CSNK2A2: variants seen among roughly 807,000 people sequenced by gnomAD.
CSNK2A2 encodes the protein casein kinase 2 alpha 2.
In CSNK2A2, 8 loss-of-function variants were observed where a neutral mutation model predicts 54.0. That is an observed-to-expected ratio of 0.15 (90% confidence interval 0.09 to 0.27). The LOEUF is 0.27. CSNK2A2 is among the 10% of genes least tolerant of loss of function. The probability of loss-of-function intolerance (pLI) is 1.00; values close to 1 mark genes in which losing one functional copy is unlikely to be tolerated. For synonymous variants in CSNK2A2, 141 were observed against 153.9 expected (o/e 0.92, Z 0.62); for missense variants, 242 against 439.4 (o/e 0.55, Z 4.02).
At chr16:58,166,799 G>A (rs1961575405) in intron 8 of CSNK2A2, 115 bp from the exon 9 acceptor site, 3 of 724,010 alleles carry the variant, frequency 4.1e-6, no homozygotes, top group East Asian at 2.6e-5. Flanking sequence ...CTAGGAACGA[G>A]ATACAAACCC....
chr16:58,173,797 T>G (rs1489933247), intron 5 of CSNK2A2, among the ~76,000 whole-genome samples: 4 of 152,104 alleles, frequency 2.6e-5, no homozygotes, highest in Admixed American at 1.3e-4. Flanking sequence ...GTGGAGTCGG[T>G]TTTTCCATGC....
intron 5 of CSNK2A2, among the ~76,000 whole-genome samples, chr16:58,169,097 T>G (rs1202481730): frequency 7.1e-6 from 1 of 140,750 alleles, no homozygotes; most frequent in Non-Finnish European, 1.5e-5. Context: ...CAGCTAATTT[T>G]CTGTATTTTT....
chr16:58,191,931 A>G (rs1567473601), intron 2 of CSNK2A2, among the ~76,000 whole-genome samples: 1 of 152,234 alleles, frequency 6.6e-6, no homozygotes, highest in East Asian at 1.9e-4. Flanking sequence ...GAACTTAAGT[A>G]ACTGTTTGAC....
At position 58,169,786 on chromosome 16, in the gene CSNK2A2, C is replaced by A. The variant is rs544634608; in HGVS notation, c.430-1093G>T. ...TCATTATAAGGCCAGGCATGGTGCT[C>A]ATGCCTGTAATCCCAGAACTTTCGG... is the stretch of plus-strand genomic sequence containing the variant. On this transcript the variant is annotated intron_variant, in intron 5 of 11. Coordinates refer to ENST00000262506, the MANE Select transcript of CSNK2A2 (RefSeq NM_001896.4). Among the ~76,000 whole-genome samples, 6 of 152,236 alleles carry A rather than the reference C, an allele frequency of 3.9e-5. No individual in the cohort carries two copies. In the South Asian group the frequency reaches 1.2e-3, roughly 31 times the overall value.
intron 4 of CSNK2A2, among the ~76,000 whole-genome samples, chr16:58,177,891 C>A (rs1487680757): frequency 6.6e-6 from 1 of 152,098 alleles, no homozygotes; most frequent in South Asian, 2.1e-4. Flanking sequence ...CCGAGGTCAA[C>A]GTTTTTAGAA....
chr16:58,172,786 G>A (rs1488108140), intron 5 of CSNK2A2, among the ~76,000 whole-genome samples: 2 of 152,190 alleles, frequency 1.3e-5, no homozygotes, highest in African/African-American at 4.8e-5. Flanking sequence ...CGTTTTTCAA[G>A]TTTCATCTGG....
chr16:58,177,910 A>C (rs903410586), intron 4 of CSNK2A2, among the ~76,000 whole-genome samples: 1 of 152,226 alleles, frequency 6.6e-6, no homozygotes, highest in Non-Finnish European at 1.5e-5. Flanking sequence ...AAATTTAAGG[A>C]AGTAGAATAA....
At chr16:58,173,550 C>T (rs1961796105) in intron 5 of CSNK2A2, among the ~76,000 whole-genome samples, 1 of 152,214 alleles carries the variant, frequency 6.6e-6, no homozygotes, top group South Asian at 2.1e-4. Context: ...GATCATTCCT[C>T]CACCAACCAG....
intron 2 of CSNK2A2, among the ~76,000 whole-genome samples, chr16:58,194,097 T>C (rs978760021): frequency 6.6e-6 from 1 of 152,210 alleles, no homozygotes; most frequent in African/African-American, 2.4e-5. Flanking sequence ...ACTACAAAAG[T>C]AAGACCACTT....
In CSNK2A2 at chr16:58,196,892, A is replaced by C. The variant is rs117005480; in HGVS notation, c.105-48T>G. ...TAAATGCCAGGACTGGGGGTTAACC[A>C]AGCCTATGCCCACTGTACACGTCAT... On this transcript the variant is annotated intron_variant, in intron 1 of 11. Coordinates refer to ENST00000262506, the MANE Select transcript of CSNK2A2 (RefSeq NM_001896.4). 3,523 of 1,174,574 alleles carry C rather than the reference A, an allele frequency of 3.0e-3. 98 individuals are homozygous for C. In the East Asian group the frequency reaches 0.061, roughly 20 times the overall value. 72.8% of individuals were successfully genotyped at this position (1,174,574 alleles called of 1,614,324 possible). A position where few individuals can be genotyped will look rare whatever the true frequency, so the allele number is the denominator to read the frequency against.
intron 4 of CSNK2A2, among the ~76,000 whole-genome samples, chr16:58,180,078 CAAAA>C (rs71385152): frequency 1.1e-5 from 1 of 91,014 alleles, no homozygotes. Context: ...GACTCCTTCT[CAAAA>C]AAAAAAAAAA....
At position 58,181,169 on chromosome 16, in the gene CSNK2A2, G is replaced by A. The variant is rs147933706; in HGVS notation, c.369+3091C>T. Among the ~76,000 whole-genome samples, 217 of 152,270 alleles carry A rather than the reference G, an allele frequency of 1.4e-3. 1 individual carries two copies. Among genetic ancestry groups the A allele is most frequent in the African/African-American group, 5.1e-3 (210 of 41,548 alleles). ...GTAAAAGGAGCAGGGAGATTAAATC[G>A]TAAGAACTAAGAAGATAGGAGAAAC... is the stretch of plus-strand genomic sequence containing the variant. On this transcript the variant is annotated intron_variant, in intron 4 of 11. Transcript: ENST00000262506.
Position 58,197,464 on chromosome 16 carries a change from GGGGA to G in CSNK2A2, c.104+165_104+168del, listed in dbSNP as rs988480925. ...GAGAAAGGGACGAAACGGGGGTAAA[GGGGA>G]GGGAAGAGGAAGACGAGGACATGTG... is the stretch of plus-strand genomic sequence containing the variant. On this transcript the variant is annotated intron_variant, in intron 1 of 11. Transcript: ENST00000262506. The surrounding 1 kb of genome is among the most constrained non-coding windows in gnomAD (Gnocchi z 4.0). Among the ~76,000 whole-genome samples, 3 of 152,180 alleles carry G rather than the reference GGGGA, an allele frequency of 2.0e-5. No individual in the cohort carries two copies. The highest frequency in any genetic ancestry group is 4.4e-5 in the Non-Finnish European group (3 of 68,022).
intron 11 of CSNK2A2, chr16:58,160,110 C>G (rs1195955022): frequency 6.6e-6 from 1 of 152,154 alleles, no homozygotes; most frequent in African/African-American, 2.4e-5. Flanking sequence ...AACGGTTGAT[C>G]TGGCCCGATG....
At chr16:58,196,592 C>T (rs750303684) in intron 2 of CSNK2A2, 141 bp downstream of exon 2, 99 of 655,430 alleles carry the variant, frequency 1.5e-4, no homozygotes, top group Non-Finnish European at 2.5e-4. Flanking sequence ...GCCTGGGTGA[C>T]AGAGTGAGAC....
chr16:58,186,772 T>C lies in CSNK2A2; in HGVS notation c.301A>G (p.Thr101Ala). The C allele has an allele frequency of 6.2e-7, 1 of 1,613,982 alleles. No individual in the cohort carries two copies. Residue 101 changes from threonine (T) to alanine (A), a missense_variant, in exon 3 of 12, where the codon ACT (threonine) becomes GCT (alanine). This residue lies in a region of CSNK2A2 where 69 missense variants were observed against 97.0 expected (regional missense o/e 0.71). Transcript: ENST00000262506. ...GCACCTACCACGGGGTCCTTTACAG[T>C]GTCAATCAGCTTAATGATATTTGTT... ...GGTNIIKLID[T>A]VKDPVSKTPA...
chr16:58,158,360 A>G lies in CSNK2A2; in HGVS notation c.*18-7T>C, dbSNP rs1319160693. 6.5e-6 allele frequency: 1 copy of G among 152,752 alleles called. No individual in the cohort carries two copies. The highest frequency in any genetic ancestry group is 2.4e-5 in the African/African-American group (1 of 41,432). 9.5% of individuals were successfully genotyped at this position (152,752 alleles called of 1,614,324 possible). ...TGGGAGAACCGCAACAGACCTGGGG[A>G]AAGAGACGGGAGGAGGGAAAGACGT... is the stretch of plus-strand genomic sequence containing the variant. On this transcript the variant is annotated splice_polypyrimidine_tract_variant and splice_region_variant and intron_variant, in intron 11 of 11. Coordinates refer to ENST00000262506, the MANE Select transcript of CSNK2A2 (RefSeq NM_001896.4).
chr16:58,183,482 T>C (rs957927066), intron 4 of CSNK2A2, among the ~76,000 whole-genome samples: 3 of 152,098 alleles, frequency 2.0e-5, no homozygotes, highest in Non-Finnish European at 2.9e-5. Context: ...TGTCTCTAGC[T>C]CCTGTCACAA....
At chr16:58,164,265 G>A (rs1567462664) in intron 10 of CSNK2A2, 118 bp from the exon 11 acceptor site, 9 of 772,288 alleles carry the variant, frequency 1.2e-5, no homozygotes, top group Non-Finnish European at 1.7e-5. Context: ...CCAGGGTCAG[G>A]GGGGCAACAG....
Sources: allele counts gnomAD v4.1 joint callset (sites outside exome capture counted in the v4.1 genomes callset), GRCh38; gene constraint gnomAD v4.1.1; regional missense constraint gnomAD v4.1.1; non-coding constraint Gnocchi (gnomAD v3.1); transcripts MANE v1.5; gene names NCBI Gene and HGNC (gene_info 2026-07-23, HGNC 2026-07-21).